The following PARD3 variants were observed in gnomAD, a reference collection of about 807,000 sequenced individuals.
The protein encoded by PARD3 is partitioning defective 3 homolog.
A neutral mutation model predicts 155.4 loss-of-function variants in PARD3; 75 were observed. The observed-to-expected ratio is 0.48, with a 90% CI of 0.40 to 0.58. The LOEUF is 0.58. PARD3 is among the 20% of genes least tolerant of loss of function. The pLI is 0.00. For missense variants in PARD3, 1,642 were observed against 1,721.7 expected (o/e 0.95, Z 0.82); for synonymous variants, 576 against 610.5 (o/e 0.94, Z 0.83).
At chr10:34,384,108 G>T (rs1183381269) in intron 8 of PARD3, 21 bp downstream of exon 8, 10 of 1,609,952 alleles carry the variant, frequency 6.2e-6, no homozygotes, top group Non-Finnish European at 8.5e-6. Context: ...AAGAACAGAA[G>T]TGCAGCGAGC....
chr10:34,415,356 T>A (rs953615806), intron 5 of PARD3, among the ~76,000 whole-genome samples: 6 of 151,934 alleles, frequency 3.9e-5, no homozygotes, highest in African/African-American at 1.5e-4. Context: ...AGTACTTGAG[T>A]ACCATTAGAA....
intron 22 of PARD3, among the ~76,000 whole-genome samples, chr10:34,253,969 C>T (rs559598609): frequency 3.3e-5 from 5 of 152,142 alleles, no homozygotes; most frequent in Admixed American, 3.3e-4. Flanking sequence ...AGAAGTTACT[C>T]GGTGGGTACA....
At chr10:34,314,475 C>A (rs530337626) in intron 20 of PARD3, among the ~76,000 whole-genome samples, 1 of 152,182 alleles carries the variant, frequency 6.6e-6, no homozygotes, top group Non-Finnish European at 1.5e-5. Flanking sequence ...AAAGGGCTGG[C>A]GCAGTGGTTT....
At chr10:34,120,951 G>C (rs916367438) in intron 23 of PARD3, among the ~76,000 whole-genome samples, 2 of 152,020 alleles carry the variant, frequency 1.3e-5, no homozygotes, top group African/African-American at 4.8e-5. Context: ...CCAGCTACTT[G>C]GGAAGCTGAG....
At chr10:34,473,793 T>A (rs1331038364) in intron 3 of PARD3, among the ~76,000 whole-genome samples, 2 of 152,180 alleles carry the variant, frequency 1.3e-5, no homozygotes, top group Non-Finnish European at 2.9e-5. Flanking sequence ...TCCTAAAAAT[T>A]TCTGTATAAA....
At chr10:34,362,863 A>G (rs1289984169) in intron 12 of PARD3, among the ~76,000 whole-genome samples, 2 of 152,248 alleles carry the variant, frequency 1.3e-5, no homozygotes, top group East Asian at 3.8e-4. Context: ...TTACAAGAAT[A>G]TAAAGTACGG....
At chr10:34,459,324 G>A (rs1459632992) in intron 4 of PARD3, among the ~76,000 whole-genome samples, 1 of 151,720 alleles carries the variant, frequency 6.6e-6, no homozygotes, top group Non-Finnish European at 1.5e-5. Flanking sequence ...CCACCACCAT[G>A]CCCAGCTAAT....
chr10:34,657,602 G>A (rs1397011724), intron 2 of PARD3, among the ~76,000 whole-genome samples: 3 of 152,058 alleles, frequency 2.0e-5, no homozygotes, highest in Non-Finnish European at 2.9e-5. Context: ...ACAGTGGCAC[G>A]ATCTTGGCTC....
At chr10:34,333,732 T>C (rs116166940) in intron 18 of PARD3, among the ~76,000 whole-genome samples, 88 of 152,182 alleles carry the variant, frequency 5.8e-4, no homozygotes, top group African/African-American at 2.0e-3. Context: ...TCAACAATGG[T>C]AGAATGTAAA....
At chr10:34,775,878 C>T (rs113025031) in intron 1 of PARD3, among the ~76,000 whole-genome samples, 1 of 152,094 alleles carries the variant, frequency 6.6e-6, no homozygotes, top group African/African-American at 2.4e-5. Flanking sequence ...ATAAGCAAAG[C>T]TATCATCCTC....
At chr10:34,622,171 A>G (rs1269111814) in intron 2 of PARD3, among the ~76,000 whole-genome samples, 1 of 152,228 alleles carries the variant, frequency 6.6e-6, no homozygotes, top group Non-Finnish European at 1.5e-5. Context: ...TCTATTAGAA[A>G]TATGCAGAAA....
At chr10:34,770,597 C>G (rs961502229) in intron 1 of PARD3, among the ~76,000 whole-genome samples, 1 of 152,108 alleles carries the variant, frequency 6.6e-6, no homozygotes, top group Non-Finnish European at 1.5e-5. Context: ...CAAGGTGTCC[C>G]GGCAGAGCAG....
chr10:34,730,586 CCA>C (rs1352152354), intron 1 of PARD3, among the ~76,000 whole-genome samples: 2 of 152,138 alleles, frequency 1.3e-5, no homozygotes, highest in African/African-American at 4.8e-5. Flanking sequence ...GAGTTGTACA[CCA>C]GCCTGGCCAA....
At chr10:34,356,672 C>T (rs1838913168) in intron 14 of PARD3, among the ~76,000 whole-genome samples, 1 of 152,176 alleles carries the variant, frequency 6.6e-6, no homozygotes, top group African/African-American at 2.4e-5. Flanking sequence ...TTTACTATAA[C>T]ATAATTTACA....
Position 34,568,631 on chromosome 10 carries a change from G to A in PARD3, c.223-51472C>T, listed in dbSNP as rs190481871. ...GATTTACACACTCTTGCAGCTGTGG[G>A]GTGGCAGACCATGTGGCGTGACCTC... On this transcript the variant is annotated intron_variant, in intron 2 of 24. Transcript: ENST00000374788. 3.4e-4 allele frequency among the ~76,000 whole-genome samples: 52 copies of A among 152,218 alleles called. 1 individual carries two copies. Among genetic ancestry groups the A allele is most frequent in the African/African-American group, 1.2e-3 (50 of 41,528 alleles).
At chr10:34,765,116 C>T (rs1462940725) in intron 1 of PARD3, among the ~76,000 whole-genome samples, 2 of 152,070 alleles carry the variant, frequency 1.3e-5, no homozygotes, top group Non-Finnish European at 2.9e-5. Context: ...CACACCTGCC[C>T]CTTCCCCCAA....
intron 2 of PARD3, among the ~76,000 whole-genome samples, chr10:34,680,619 A>C (rs1436131061): frequency 6.6e-6 from 1 of 151,774 alleles, no homozygotes; most frequent in Non-Finnish European, 1.5e-5. Context: ...AAGATAAAGA[A>C]AGAAAACGTT....
At chr10:34,262,036 C>A (rs1384589811) in intron 22 of PARD3, among the ~76,000 whole-genome samples, 2 of 152,124 alleles carry the variant, frequency 1.3e-5, no homozygotes, top group Admixed American at 1.3e-4. Context: ...TACTGGAGTT[C>A]CAAACTGTTT....
intron 2 of PARD3, among the ~76,000 whole-genome samples, chr10:34,526,808 T>C (rs1018968590): frequency 1.3e-5 from 2 of 152,212 alleles, no homozygotes; most frequent in African/African-American, 4.8e-5. Context: ...TTGAGCTCCC[T>C]GCTACAGTTC....
Sources: gnomAD v4.1 joint callset for allele counts (sites outside exome capture counted in the v4.1 genomes callset) on GRCh38, gnomAD v4.1.1 for gene constraint, MANE v1.5 for transcripts, NCBI Gene and HGNC (gene_info 2026-07-23, HGNC 2026-07-21) for gene names.